The following RYR3 variants were observed in gnomAD, a reference collection of about 807,000 sequenced individuals.
RYR3 encodes the protein brain ryanodine receptor-calcium release channel.
RYR3 carries 207 observed loss-of-function variants against 584.3 expected under a neutral mutation model. The observed-to-expected ratio is 0.35, with a 90% confidence interval of 0.32 to 0.40. RYR3 has a LOEUF of 0.40. RYR3 is among the 10% of genes least tolerant of loss of function. The pLI, the probability that RYR3 is intolerant of heterozygous loss-of-function variation, is 1.00. For missense variants in RYR3, 5,616 were observed against 6,089.2 expected (o/e 0.92, Z 2.59); for synonymous variants, 2,416 against 2,248.5 (o/e 1.07, Z -2.11).
chr15:33,793,983 AATAT>A lies in RYR3; in HGVS notation c.9830+5529_9830+5532del, dbSNP rs66543422. ...ATTTATGTAAATGTATATATAAATA[AATAT>A]ATAAATACATATAATACACATAAAT... On this transcript the variant is annotated intron_variant, in intron 67 of 103. Transcript: ENST00000634891. 7.5e-5 allele frequency among the ~76,000 whole-genome samples: 10 copies of A among 133,820 alleles called. No homozygotes were observed. In the South Asian group the frequency reaches 1.1e-3, roughly 15 times the overall value. 87.8% of individuals were successfully genotyped at this position (133,820 alleles called of 152,430 possible).
chr15:33,570,142 TTTACC>T (rs2057945348), intron 12 of RYR3, among the ~76,000 whole-genome samples: 1 of 152,172 alleles, frequency 6.6e-6, no homozygotes, highest in South Asian at 2.1e-4. Context: ...CTAAGAACTC[TTTACC>T]TTACTCAAAA....
chr15:33,628,706 G>A, intron 21 of RYR3, 131 bp downstream of exon 21: 1 of 613,262 alleles, frequency 1.6e-6, no homozygotes, highest in South Asian at 2.1e-5. Flanking sequence ...GGTCTTCACA[G>A]ACAGAACCAG....
intron 67 of RYR3, among the ~76,000 whole-genome samples, chr15:33,794,937 A>C (rs2075504520): frequency 6.6e-6 from 1 of 152,064 alleles, no homozygotes; most frequent in South Asian, 2.1e-4. Context: ...AAAAGTGGGG[A>C]GCAAAAGACA....
Position 33,757,549 on chromosome 15 carries a change from T to C in RYR3, c.8658T>C (p.Leu2886=), listed in dbSNP as rs947667794. The part of the protein sequence containing the change: ...LYFLSSPLKP[L]SSSGYASHKE... ...TCTTGTCATCCCCTCTGAAGCCCCT[T>C]AGCAGCAGCGGATATGCCTCCCATA... Residue 2886 remains leucine (L), a synonymous_variant, in exon 60 of 104, where the codon CTT becomes CTC. Coordinates refer to ENST00000634891, the MANE Select transcript of RYR3 (RefSeq NM_001036.6). 8 of 1,611,566 alleles carry C rather than the reference T, an allele frequency of 5.0e-6. No homozygotes were observed. In the African/African-American group the frequency reaches 6.7e-5, roughly 13 times the overall value.
At chr15:33,553,512 A>C (rs1167670169) in intron 10 of RYR3, among the ~76,000 whole-genome samples, 2 of 152,196 alleles carry the variant, frequency 1.3e-5, no homozygotes, top group East Asian at 3.9e-4. Context: ...TCCAAGAACC[A>C]ACCAGCTGCA....
intron 2 of RYR3, among the ~76,000 whole-genome samples, chr15:33,481,831 T>A (rs2050000883): frequency 6.6e-6 from 1 of 151,590 alleles, no homozygotes; most frequent in Admixed American, 6.6e-5. Flanking sequence ...TATAAATCGT[T>A]AACTTATCAC....
intron 69 of RYR3, among the ~76,000 whole-genome samples, chr15:33,806,340 A>G (rs753333982): frequency 1.2e-4 from 18 of 152,202 alleles, no homozygotes; most frequent in African/African-American, 4.1e-4. Context: ...TTTTGAAGGT[A>G]TAAGAATCTG....
rs139360472 is a variant in RYR3, at chr15:33,801,603, T to C, written c.9919-266T>C. On this transcript the variant is annotated intron_variant, in intron 68 of 103. Coordinates refer to ENST00000634891, the MANE Select transcript of RYR3 (RefSeq NM_001036.6). ...AGTCAGGTTGGAATTTGGTGTCTTA[T>C]TACTACCAAGAGTCTATTTTGTCTT... Among the ~76,000 whole-genome samples, 426 of 139,642 alleles carry C rather than the reference T, an allele frequency of 3.1e-3. 4 individuals are homozygous for C. The highest frequency in any genetic ancestry group is 0.01 in the African/African-American group (399 of 38,666). The allele number at this position is 139,642 out of a possible 152,430, so 91.6% of individuals were successfully genotyped here. A position where few individuals can be genotyped will look rare whatever the true frequency, so the allele number is the denominator to read the frequency against.
At chr15:33,506,689 C>A (rs2052513582) in intron 3 of RYR3, among the ~76,000 whole-genome samples, 1 of 152,188 alleles carries the variant, frequency 6.6e-6, no homozygotes, top group Non-Finnish European at 1.5e-5. Context: ...TGAACAGCAG[C>A]TTCAGGTACT....
Position 33,738,457 on chromosome 15 carries a change from C to A in RYR3, c.7523C>A (p.Thr2508Lys). 6.2e-7 allele frequency: 1 copy of A among 1,612,992 alleles called. No individual in the cohort carries two copies. Among genetic ancestry groups the A allele is most frequent in the Non-Finnish European group, 8.5e-7 (1 of 1,179,398 alleles). The change falls in exon 50 of 104, where the codon ACG becomes AAG. Residue 2508 changes from threonine to lysine, a missense_variant. By Grantham distance (78) the Thr-to-Lys change is moderately conservative. Coordinates refer to ENST00000634891, the MANE Select transcript of RYR3 (RefSeq NM_001036.6). The part of the protein sequence containing the change: ...EYCKMPLKLL[T>K]NHYEQCWKYY... ...CTGTTCTGCACCTCCCAGCTTCTGA[C>A]GAATCACTATGAACAGTGTTGGAAG...
At chr15:33,620,251 C>T (rs2060654900) in intron 19 of RYR3, among the ~76,000 whole-genome samples, 1 of 152,092 alleles carries the variant, frequency 6.6e-6, no homozygotes. Context: ...AAAATGTGTC[C>T]CTCAGTAAAC....
At chr15:33,794,562 A>G (rs2075472812) in intron 67 of RYR3, among the ~76,000 whole-genome samples, 1 of 151,818 alleles carries the variant, frequency 6.6e-6, no homozygotes, top group African/African-American at 2.4e-5. Flanking sequence ...CTTTAATTGC[A>G]TTTGTCACTA....
At chr15:33,704,928 A>G (rs969648170) in intron 42 of RYR3, among the ~76,000 whole-genome samples, 5 of 152,208 alleles carry the variant, frequency 3.3e-5, no homozygotes, top group East Asian at 1.9e-4. Context: ...ATTCAGCCCA[A>G]TGTCAGGAAA....
intron 1 of RYR3, among the ~76,000 whole-genome samples, chr15:33,384,972 C>A (rs1595921175): frequency 1.3e-5 from 2 of 152,124 alleles, no homozygotes; most frequent in Admixed American, 6.5e-5. Flanking sequence ...TAAAATATGA[C>A]CATAATATTT....
chr15:33,662,135 T>A lies in RYR3; in HGVS notation c.4623-18T>A. 1.3e-6 allele frequency: 2 copies of A among 1,547,710 alleles called. No individual in the cohort carries two copies. On this transcript the variant is annotated intron_variant, in intron 34 of 103. Transcript: ENST00000634891. ...TTCTTCTCCCCCTGGTGTGGCTGAT[T>A]GCTCGTCCTGTCCTCAGGTGTGTGG...
Position 33,722,815 on chromosome 15 carries a change from C to G in RYR3, c.6720C>G (p.Leu2240=). The change falls in exon 44 of 104, where the codon CTC becomes CTG. Residue 2240 remains leucine, a synonymous_variant. Transcript: ENST00000634891. ...PALRGEGGNG[L]LAAMQGAIKI... ...TGCGGGGTGAGGGGGGAAACGGGCT[C>G]TTGGCAGCCATGCAGGGTGCCATTA... 6.2e-7 allele frequency: 1 copy of G among 1,613,306 alleles called. No homozygotes were observed. Among genetic ancestry groups the G allele is most frequent in the Non-Finnish European group, 8.5e-7 (1 of 1,179,590 alleles).
intron 70 of RYR3, 122 bp downstream of exon 70, chr15:33,807,691 C>T (rs1281425804): frequency 2.1e-6 from 2 of 957,054 alleles, no homozygotes; most frequent in Non-Finnish European, 3.3e-6. Context: ...CCTGGAGGTC[C>T]CCCAGGCCTG....
chr15:33,476,041 T>C (rs186231459), intron 2 of RYR3, among the ~76,000 whole-genome samples: 34 of 152,316 alleles, frequency 2.2e-4, no homozygotes, highest in Non-Finnish European at 4.6e-4. Flanking sequence ...AGTATAAAGT[T>C]GTTATCCCTT....
chr15:33,662,525 C>T lies in RYR3; in HGVS notation c.4995C>T (p.Phe1665=). Reference sequence around the variant, plus strand: ...TGAGAACATGTCTCAAGCCCGGGTTCAGGTTCTCCACCCCTTGCTTTGTTG... The same window carrying T: ...TGAGAACATGTCTCAAGCCCGGGTTTAGGTTCTCCACCCCTTGCTTTGTTG... ...VGLRTCLKPG[F]RFSTPCFVVT... is the part of the protein sequence containing the mutation. Residue 1665 remains phenylalanine, a synonymous_variant, in exon 35 of 104, where the codon TTC becomes TTT. Transcript: ENST00000634891. The T allele has an allele frequency of 6.2e-7, 1 of 1,614,030 alleles. No homozygotes were observed. The highest frequency in any genetic ancestry group is 1.1e-5 in the South Asian group (1 of 91,084).
Sources: allele counts gnomAD v4.1 joint callset (sites outside exome capture counted in the v4.1 genomes callset), GRCh38; gene constraint gnomAD v4.1.1; transcripts MANE v1.5; gene names NCBI Gene and HGNC (gene_info 2026-07-23, HGNC 2026-07-21).